The following CA10 variants were observed in gnomAD, a reference collection of about 807,000 sequenced individuals.
CA10 encodes carbonic anhydrase 10 (inactive).
CA10 carries 14 observed loss-of-function variants against 44.2 expected under a neutral mutation model. The observed-to-expected ratio is 0.32, with a 90% CI of 0.21 to 0.50. The LOEUF is 0.50. Ranked by LOEUF, CA10 falls within the 20% of genes least tolerant of loss-of-function variation. The pLI is 0.99. For synonymous variants in CA10, 159 were observed against 141.6 expected (o/e 1.12, Z -0.87); for missense variants, 350 against 409.7 (o/e 0.85, Z 1.26).
intron 3 of CA10, among the ~76,000 whole-genome samples, chr17:51,889,296 C>A (rs1278287378): frequency 6.6e-6 from 1 of 151,898 alleles, no homozygotes; most frequent in Non-Finnish European, 1.5e-5. Context: ...CTGGAGAAGG[C>A]AGATTGCTTG....
intron 3 of CA10, among the ~76,000 whole-genome samples, chr17:51,860,976 G>T (rs1200361911): frequency 6.6e-6 from 1 of 152,130 alleles, no homozygotes; most frequent in Non-Finnish European, 1.5e-5. Context: ...GACAGAAACT[G>T]TACTCTCTGA....
chr17:51,851,118 C>T (rs1978775273), intron 3 of CA10, among the ~76,000 whole-genome samples: 1 of 152,140 alleles, frequency 6.6e-6, no homozygotes, highest in Admixed American at 6.5e-5. Flanking sequence ...GGTGGCAGAC[C>T]CAGTTCCAAG....
intron 4 of CA10, among the ~76,000 whole-genome samples, chr17:51,743,709 TGATA>T (rs1904555445): frequency 6.6e-6 from 1 of 152,162 alleles, no homozygotes. Flanking sequence ...CGATCAGCAG[TGATA>T]GATAGGGCAG....
intron 3 of CA10, among the ~76,000 whole-genome samples, chr17:51,813,935 T>G (rs1907470221): frequency 6.6e-6 from 1 of 152,228 alleles, no homozygotes; most frequent in Admixed American, 6.5e-5. Context: ...AGGTGGCTTA[T>G]GCCACTGTTT....
Position 51,824,880 on chromosome 17 carries a change from C to T in CA10, c.280-77062G>A, listed in dbSNP as rs531749077. Among the ~76,000 whole-genome samples the T allele has an allele frequency of 2.0e-5, 3 of 152,356 alleles. No individual in the cohort carries two copies. In the South Asian group the frequency reaches 6.2e-4, roughly 32 times the overall value. ...ACTGTTGCTTCATAAATTCTGACTT[C>T]CTCACTTTACTAAGCAATGGCCATT... On this transcript the variant is annotated intron_variant, in intron 3 of 8. Transcript: ENST00000451037.
intron 3 of CA10, among the ~76,000 whole-genome samples, chr17:51,756,870 T>C (rs1440783730): frequency 6.6e-6 from 1 of 152,184 alleles, no homozygotes; most frequent in Non-Finnish European, 1.5e-5. Context: ...TTGGGTTTAA[T>C]GTATCCAGAC....
intron 2 of CA10, among the ~76,000 whole-genome samples, chr17:51,986,222 T>A (rs944901849): frequency 1.3e-5 from 2 of 152,034 alleles, no homozygotes; most frequent in Non-Finnish European, 2.9e-5. Flanking sequence ...AGCCAAATGA[T>A]CTTTGGCAAA....
At chr17:51,785,523 C>T (rs973251456) in intron 3 of CA10, among the ~76,000 whole-genome samples, 18 of 152,040 alleles carry the variant, frequency 1.2e-4, no homozygotes, top group African/African-American at 1.7e-4. Flanking sequence ...CAATAACAAA[C>T]GCCAGTGAAG....
At chr17:52,155,512 A>AT (rs1253656264) in intron 1 of CA10, among the ~76,000 whole-genome samples, 2 of 152,306 alleles carry the variant, frequency 1.3e-5, no homozygotes, top group East Asian at 3.9e-4. Context: ...TGTGAGTCAT[A>AT]ATCATATTAC....
chr17:51,706,147 C>T (rs1915756576), intron 4 of CA10, among the ~76,000 whole-genome samples: 1 of 152,138 alleles, frequency 6.6e-6, no homozygotes, highest in Admixed American at 6.5e-5. Context: ...GGTATGTTTA[C>T]CATTGGGCTG....
At chr17:51,955,328 A>G (rs1256673600) in intron 2 of CA10, among the ~76,000 whole-genome samples, 1 of 152,084 alleles carries the variant, frequency 6.6e-6, no homozygotes, top group East Asian at 1.9e-4. Flanking sequence ...CTTTGTCACC[A>G]CCCATAGAAA....
intron 4 of CA10, among the ~76,000 whole-genome samples, chr17:51,689,487 A>G (rs1915115990): frequency 6.6e-6 from 1 of 152,228 alleles, no homozygotes; most frequent in African/African-American, 2.4e-5. Flanking sequence ...GGCAAAGGAG[A>G]AAGTGAATGA....
chr17:51,859,704 GATA>G (rs1309108625), intron 3 of CA10, among the ~76,000 whole-genome samples: 3 of 152,078 alleles, frequency 2.0e-5, no homozygotes, highest in Non-Finnish European at 2.9e-5. Context: ...GAAGAATGGG[GATA>G]ATATTATTTA....
At chr17:51,893,383 G>GGT (rs1425939066) in intron 3 of CA10, among the ~76,000 whole-genome samples, 3 of 152,078 alleles carry the variant, frequency 2.0e-5, no homozygotes, top group African/African-American at 7.2e-5. Context: ...TTTCTACTGG[G>GGT]GTATTTTGAG....
intron 3 of CA10, among the ~76,000 whole-genome samples, chr17:51,830,407 GA>G (rs767325891): frequency 2.0e-4 from 30 of 151,230 alleles, no homozygotes; most frequent in Non-Finnish European, 4.4e-5. Context: ...ACCTGATTTA[GA>G]AAAAGTATTG....
intron 2 of CA10, among the ~76,000 whole-genome samples, chr17:51,970,455 C>G (rs960916975): frequency 1.3e-5 from 2 of 151,996 alleles, no homozygotes; most frequent in Admixed American, 6.6e-5. Flanking sequence ...GAATTAAAAG[C>G]TACTACTGCA....
At chr17:52,089,824 T>G (rs1988213144) in intron 1 of CA10, among the ~76,000 whole-genome samples, 1 of 152,104 alleles carries the variant, frequency 6.6e-6, no homozygotes, top group Admixed American at 6.6e-5. Context: ...GGATACATAT[T>G]AACTTGGAGA....
chr17:51,916,770 C>T (rs769805044), intron 3 of CA10, among the ~76,000 whole-genome samples: 1 of 152,184 alleles, frequency 6.6e-6, no homozygotes, highest in Non-Finnish European at 1.5e-5. Flanking sequence ...TCCATATAAT[C>T]AAGCCTATGC....
intron 2 of CA10, among the ~76,000 whole-genome samples, chr17:52,052,132 G>A (rs1987089455): frequency 6.6e-6 from 1 of 151,848 alleles, no homozygotes; most frequent in Admixed American, 6.6e-5. Context: ...CTTTCAGAGG[G>A]TGGAGGGTGG....
Sources: gnomAD v4.1 joint callset for allele counts (sites outside exome capture counted in the v4.1 genomes callset) on GRCh38, gnomAD v4.1.1 for gene constraint, MANE v1.5 for transcripts, NCBI Gene and HGNC (gene_info 2026-07-23, HGNC 2026-07-21) for gene names.